Variants in ABLIM2 observed in about 807,000 individuals in gnomAD.
ABLIM2 encodes actin-binding LIM protein 2.
In ABLIM2, 53 loss-of-function variants were observed where a neutral mutation model predicts 97.7. That is an observed-to-expected ratio of 0.54 (90% CI 0.44 to 0.68). ABLIM2 has a LOEUF of 0.68. ABLIM2 is among the 30% of genes least tolerant of loss of function. The pLI is 0.00. For synonymous variants in ABLIM2, 361 were observed against 345.8 expected, an observed-to-expected ratio of 1.04 and a Z score of -0.49; for missense variants, 835 against 867.2, an observed-to-expected ratio of 0.96 and a Z score of 0.47.
chr4:8,070,330 A>C (rs767355545), intron 6 of ABLIM2, among the ~76,000 whole-genome samples: 16 of 151,636 alleles, frequency 1.1e-4, no homozygotes, highest in Non-Finnish European at 2.2e-4. Flanking sequence ...CACGTGTGCA[A>C]AATCTGAAAG....
chr4:8,009,022 C>G (rs770083329), intron 15 of ABLIM2, 28 bp downstream of exon 15: 2 of 1,612,922 alleles, frequency 1.2e-6, no homozygotes, highest in South Asian at 1.1e-5. Flanking sequence ...CAAGGCTGTT[C>G]TCAGCCAGAT....
At chr4:8,097,541 G>T (rs186362624) in intron 2 of ABLIM2, among the ~76,000 whole-genome samples, 5 of 152,328 alleles carry the variant, frequency 3.3e-5, no homozygotes, top group Admixed American at 3.3e-4. Context: ...ACAAGAGCCA[G>T]GCTCTCTTGA....
intron 1 of ABLIM2, among the ~76,000 whole-genome samples, chr4:8,141,331 A>G (rs1423365686): frequency 6.6e-6 from 1 of 152,176 alleles, no homozygotes; most frequent in Admixed American, 6.5e-5. Flanking sequence ...AGCCCCAGAC[A>G]TGACCTGCAG....
At chr4:8,048,380 C>T (rs563375880) in intron 8 of ABLIM2, among the ~76,000 whole-genome samples, 3 of 152,348 alleles carry the variant, frequency 2.0e-5, no homozygotes, top group South Asian at 2.1e-4. Context: ...CAATCCCCAC[C>T]GGCTTTGCCT....
At chr4:8,154,015 T>C (rs1405064225) in intron 1 of ABLIM2, among the ~76,000 whole-genome samples, 2 of 146,300 alleles carry the variant, frequency 1.4e-5, no homozygotes, top group Non-Finnish European at 3.0e-5. Context: ...CAGGCTGGAG[T>C]GCAGTGGCGT....
In ABLIM2 at chr4:8,008,178, A is replaced by T; in HGVS notation, c.1499T>A (p.Leu500His). ...NRKQKSSWLM[L>H]KGDADTRTNS... ...GGTCCTTGTGTCTGCATCCCCCTTG[A>T]GCATCAGCCAGCTGCTCTTCTGCTG... Residue 500 changes from leucine to histidine, a missense_variant, in exon 16 of 21, where the codon CTC (leucine) becomes CAC (histidine). By Grantham distance (99) the Leu-to-His change is moderately conservative. Coordinates refer to ENST00000447017, the MANE Select transcript of ABLIM2 (RefSeq NM_001130083.2). The T allele has an allele frequency of 6.2e-7, 1 of 1,613,584 alleles. No homozygotes were observed. Among genetic ancestry groups the T allele is most frequent in the South Asian group, 1.1e-5 (1 of 90,994 alleles).
In ABLIM2 at chr4:8,071,987, G is replaced by A; in HGVS notation, c.675+5641C>T. 3.0e-6 allele frequency: 3 copies of A among 985,500 alleles called. No homozygotes were observed. The highest frequency in any genetic ancestry group is 3.6e-6 in the Non-Finnish European group (3 of 830,014). The allele number at this position is 985,500 out of a possible 1,614,324, so 61.0% of individuals were successfully genotyped here. On this transcript the variant is annotated intron_variant, in intron 6 of 20. Coordinates refer to ENST00000447017, the MANE Select transcript of ABLIM2 (RefSeq NM_001130083.2). This position sits in a 1 kb window ranked among gnomAD's most constrained non-coding sequence, Gnocchi z 6.2. ...CCGCGGCGGCGGCAGCTCCCCTTCT[G>A]CGGAGCCAGGCTTGTCCCCGCCCGC... is the stretch of plus-strand genomic sequence containing the variant.
At chr4:8,152,139 C>T (rs1478276152) in intron 1 of ABLIM2, among the ~76,000 whole-genome samples, 2 of 152,244 alleles carry the variant, frequency 1.3e-5, no homozygotes, top group East Asian at 3.9e-4. Context: ...CATGATGCCC[C>T]CAAACGGGCC....
In ABLIM2 at chr4:8,015,590, G is replaced by A. The variant is rs1768403312; in HGVS notation, c.1423+4028C>T. Reference sequence around the variant, plus strand: ...GTGATTAATTCCTGCTTTAAACCAGGGCACAAAGACACAGGGAACAACGTG... The same window carrying A: ...GTGATTAATTCCTGCTTTAAACCAGAGCACAAAGACACAGGGAACAACGTG... On this transcript the variant is annotated intron_variant, in intron 14 of 20. Transcript: ENST00000447017. The surrounding 1 kb of genome is among the most constrained non-coding windows in gnomAD (Gnocchi z 4.6). 1.3e-5 allele frequency among the ~76,000 whole-genome samples: 2 copies of A among 152,150 alleles called. No individual in the cohort carries two copies. Among genetic ancestry groups the A allele is most frequent in the Admixed American group, 6.5e-5 (1 of 15,268 alleles).
At position 8,133,491 on chromosome 4, in the gene ABLIM2, G is replaced by A. The variant is rs10014362; in HGVS notation, c.10+25189C>T. ...GGAGGTCCCCACCCCACCCTCATGG[G>A]CCCTCCACTCCTTGGCAAACTAGCC... On this transcript the variant is annotated intron_variant, in intron 1 of 20. Coordinates refer to ENST00000447017, the MANE Select transcript of ABLIM2 (RefSeq NM_001130083.2). 5.5e-3 allele frequency among the ~76,000 whole-genome samples: 830 copies of A among 152,270 alleles called. 3 individuals carry two copies. The highest frequency in any genetic ancestry group is 0.019 in the African/African-American group (797 of 41,554).
In ABLIM2 at chr4:7,986,210, C is replaced by A. The variant is rs991117510; in HGVS notation, c.1681-1317G>T. 6.6e-6 allele frequency among the ~76,000 whole-genome samples: 1 copy of A among 152,198 alleles called. No homozygotes were observed. The highest frequency in any genetic ancestry group is 1.5e-5 in the Non-Finnish European group (1 of 68,046). ...AGGAGAGACGGTATGCTCAGCCCAG[C>A]GGGTCTGTCACAGGGCAAAGTGTTT... On this transcript the variant is annotated intron_variant, in intron 17 of 20. Transcript: ENST00000447017. The surrounding 1 kb of genome is among the most constrained non-coding windows in gnomAD (Gnocchi z 4.3).
In ABLIM2 at chr4:8,124,260, T is replaced by C. The variant is rs573033951; in HGVS notation, c.11-17623A>G. On this transcript the variant is annotated intron_variant, in intron 1 of 20. Transcript: ENST00000447017. The surrounding 1 kb of genome is among the most constrained non-coding windows in gnomAD (Gnocchi z 6.1). ...GTGCACACATCTGAAAATCATAACT[T>C]CATTGAGATATAATTCACATAGCCG... 3.9e-5 allele frequency among the ~76,000 whole-genome samples: 6 copies of C among 152,316 alleles called. No homozygotes were observed. The East Asian group carries it at 1.2e-3, about 29-fold the overall frequency.
chr4:8,152,961 C>T (rs1276639646), intron 1 of ABLIM2, among the ~76,000 whole-genome samples: 1 of 152,160 alleles, frequency 6.6e-6, no homozygotes, highest in Non-Finnish European at 1.5e-5. Context: ...TTACGGAGCC[C>T]TACCCAGGCA....
rs1327889483 is a variant in ABLIM2, at chr4:7,996,079, C to T, written c.1619-3152G>A. Reference sequence around the variant, plus strand: ...GGCATGCTCTGGGAGCCCGAGGGCCCCTCCAGCTGCAGCGGGAGCTCCTTA... The same window carrying T: ...GGCATGCTCTGGGAGCCCGAGGGCCTCTCCAGCTGCAGCGGGAGCTCCTTA... On this transcript the variant is annotated intron_variant, in intron 16 of 20. Transcript: ENST00000447017. The surrounding 1 kb of genome is among the most constrained non-coding windows in gnomAD (Gnocchi z 4.5). Among the ~76,000 whole-genome samples the T allele has an allele frequency of 6.6e-6, 1 of 152,284 alleles. No individual in the cohort carries two copies. The highest frequency in any genetic ancestry group is 2.1e-4 in the South Asian group (1 of 4,828).
chr4:8,146,616 T>A (rs1388121425), intron 1 of ABLIM2, among the ~76,000 whole-genome samples: 1 of 152,228 alleles, frequency 6.6e-6, no homozygotes, highest in Non-Finnish European at 1.5e-5. Context: ...CATGGCTCAC[T>A]GCAGCCTCAA....
At chr4:8,014,651 A>C (rs1367862031) in intron 14 of ABLIM2, among the ~76,000 whole-genome samples, 1 of 152,250 alleles carries the variant, frequency 6.6e-6, no homozygotes, top group Admixed American at 6.5e-5. Flanking sequence ...TATCCCCAGC[A>C]CTGGGACAAG....
intron 9 of ABLIM2, among the ~76,000 whole-genome samples, chr4:8,041,616 AAAG>A (rs1788614685): frequency 6.6e-6 from 1 of 152,008 alleles, no homozygotes; most frequent in Non-Finnish European, 1.5e-5. Context: ...AAAAAAAAAA[AAAG>A]AGGCTGGGCA....
intron 3 of ABLIM2, among the ~76,000 whole-genome samples, chr4:8,091,753 A>C (rs1329304423): frequency 1.2e-5 from 1 of 85,586 alleles, no homozygotes; most frequent in Non-Finnish European, 2.0e-5. Flanking sequence ...TTATATATTA[A>C]TATTATATAT....
At chr4:8,094,134 C>G (rs896611373) in intron 3 of ABLIM2, among the ~76,000 whole-genome samples, 1 of 152,160 alleles carries the variant, frequency 6.6e-6, no homozygotes, top group African/African-American at 2.4e-5. Flanking sequence ...TTTTCCACTT[C>G]GGCCATTGTA....
Sources: gnomAD v4.1 joint callset for allele counts (sites outside exome capture counted in the v4.1 genomes callset) on GRCh38, gnomAD v4.1.1 for gene constraint, Gnocchi (gnomAD v3.1) non-coding constraint, MANE v1.5 for transcripts, NCBI Gene and HGNC (gene_info 2026-07-23, HGNC 2026-07-21) for gene names.